SORCS1: variants seen among roughly 807,000 people sequenced by gnomAD.
SORCS1 encodes the protein sortilin related VPS10 domain containing receptor 1, also known as VPS10 domain-containing receptor SorCS1.
Under a neutral mutation model 146.1 loss-of-function variants are expected in SORCS1, and 60 were observed. That is an observed-to-expected ratio of 0.41 (90% CI 0.33 to 0.51). The LOEUF (loss-of-function observed/expected upper bound fraction) is 0.51, where lower values mean the gene tolerates loss of function less well. SORCS1 is among the 20% of genes least tolerant of loss of function. SORCS1 has a pLI of 0.21. For missense variants in SORCS1, 1,352 were observed against 1,487.6 expected (o/e 0.91, Z 1.50); for synonymous variants, 637 against 584.0 (o/e 1.09, Z -1.31).
intron 5 of SORCS1, among the ~76,000 whole-genome samples, chr10:106,735,762 T>C (rs540199112): frequency 1.9e-4 from 29 of 152,336 alleles, no homozygotes; most frequent in African/African-American, 6.5e-4. Flanking sequence ...GCTCAGGTTT[T>C]GTATTTGATC....
intron 17 of SORCS1, among the ~76,000 whole-genome samples, chr10:106,656,740 T>A (rs924757934): frequency 1.3e-5 from 2 of 151,996 alleles, no homozygotes; most frequent in African/African-American, 2.4e-5. Context: ...TGACAGTAGC[T>A]TAGTAGCTTA....
At chr10:106,689,083 T>C (rs1853101072) in intron 9 of SORCS1, among the ~76,000 whole-genome samples, 1 of 152,226 alleles carries the variant, frequency 6.6e-6, no homozygotes, top group African/African-American at 2.4e-5. Flanking sequence ...AATCATCAAA[T>C]ACTCCCTACT....
intron 1 of SORCS1, among the ~76,000 whole-genome samples, chr10:106,983,267 A>T (rs1451723441): frequency 1.3e-5 from 2 of 148,220 alleles, no homozygotes; most frequent in African/African-American, 4.9e-5. Context: ...TCTATATATA[A>T]ATATACATAT....
At chr10:107,142,895 C>A (rs1008727911) in intron 1 of SORCS1, among the ~76,000 whole-genome samples, 1 of 152,210 alleles carries the variant, frequency 6.6e-6, no homozygotes, top group East Asian at 1.9e-4. Flanking sequence ...GGGGCCAAGA[C>A]CAACGTGTCC....
intron 1 of SORCS1, among the ~76,000 whole-genome samples, chr10:107,075,077 C>T (rs573060437): frequency 7.5e-4 from 114 of 152,148 alleles, no homozygotes; most frequent in Middle Eastern, 3.4e-3. Flanking sequence ...CAATAAGATA[C>T]ATTTGCATGG....
intron 2 of SORCS1, among the ~76,000 whole-genome samples, chr10:106,895,601 A>C (rs552659934): frequency 2.6e-5 from 4 of 152,082 alleles, no homozygotes; most frequent in Non-Finnish European, 5.9e-5. Context: ...ACACAGTAAG[A>C]CTCTGTCTCA....
At chr10:106,700,051 T>C (rs1192670815) in intron 8 of SORCS1, among the ~76,000 whole-genome samples, 1 of 152,176 alleles carries the variant, frequency 6.6e-6, no homozygotes, top group Admixed American at 6.5e-5. Context: ...ACCCTCATGT[T>C]AGTGTGTTCA....
chr10:106,724,470 T>G (rs938197863), intron 6 of SORCS1, among the ~76,000 whole-genome samples: 14 of 150,156 alleles, frequency 9.3e-5, no homozygotes, highest in Non-Finnish European at 1.9e-4. Flanking sequence ...ACCATTGCAC[T>G]CCAGCCTAGG....
chr10:106,780,266 A>G (rs1860789193), intron 3 of SORCS1, among the ~76,000 whole-genome samples: 1 of 152,204 alleles, frequency 6.6e-6, no homozygotes, highest in Non-Finnish European at 1.5e-5. Flanking sequence ...AAAACAATAG[A>G]TTACATTTCT....
At chr10:107,167,172 T>A (rs1970074364), upstream of SORCS1, among the ~76,000 whole-genome samples, 1 of 152,238 alleles carries the variant, frequency 6.6e-6, no homozygotes, top group African/African-American at 2.4e-5. Flanking sequence ...TGTAGATAGA[T>A]GGATTCATTT....
intron 2 of SORCS1, among the ~76,000 whole-genome samples, chr10:106,926,824 T>C (rs1953046611): frequency 6.9e-5 from 1 of 14,534 alleles, no homozygotes; most frequent in African/African-American, 1.3e-4. Context: ...CTAAGGAATA[T>C]ATATACACAC....
intron 3 of SORCS1, among the ~76,000 whole-genome samples, chr10:106,810,943 CT>C (rs879573301): frequency 0.03 from 4,191 of 141,208 alleles, 61 homozygotes; most frequent in East Asian, 0.06. Context: ...GGTATAATTT[CT>C]TTTTTTTTTT....
intron 1 of SORCS1, among the ~76,000 whole-genome samples, chr10:107,105,525 C>T (rs1328811422): frequency 1.3e-5 from 2 of 152,166 alleles, no homozygotes; most frequent in African/African-American, 4.8e-5. Context: ...TGGCTGAAGG[C>T]CCGAGTGCCC....
chr10:106,699,896 C>T (rs1854007586), intron 8 of SORCS1, among the ~76,000 whole-genome samples: 1 of 152,116 alleles, frequency 6.6e-6, no homozygotes, highest in Non-Finnish European at 1.5e-5. Context: ...CCTGGTGAAT[C>T]AAAATGTGCA....
chr10:106,706,506 G>A (rs1854539812), intron 8 of SORCS1, 39 bp downstream of exon 8: 2 of 1,587,336 alleles, frequency 1.3e-6, no homozygotes, highest in Non-Finnish European at 1.7e-6. Flanking sequence ...CTGTGAATGA[G>A]AGTCAAGAGT....
intron 3 of SORCS1, among the ~76,000 whole-genome samples, chr10:106,815,513 G>A (rs1247589720): frequency 1.3e-5 from 2 of 152,184 alleles, no homozygotes; most frequent in African/African-American, 4.8e-5. Context: ...AATGGTTTGG[G>A]TTTGATAATC....
intron 5 of SORCS1, among the ~76,000 whole-genome samples, chr10:106,741,734 T>C (rs1857379744): frequency 1.3e-5 from 2 of 152,190 alleles, no homozygotes; most frequent in Non-Finnish European, 2.9e-5. Context: ...AGGGGTCCCA[T>C]GTCCCAGAGA....
intron 2 of SORCS1, among the ~76,000 whole-genome samples, chr10:106,921,056 G>A (rs1432369761): frequency 6.6e-6 from 1 of 152,146 alleles, no homozygotes; most frequent in East Asian, 1.9e-4. Flanking sequence ...TCTTGCAGGT[G>A]GTCAGCTCTT....
rs1378767215 is a variant in SORCS1, at chr10:106,906,329, G to A, written c.626+50184C>T. Among the ~76,000 whole-genome samples the A allele has an allele frequency of 3.9e-5, 6 of 152,282 alleles. No homozygotes were observed. The South Asian group carries it at 1.0e-3, about 26-fold the overall frequency. ...AGGATTTGCCATGTTGGCCAGGCTG[G>A]TCTTGAACTCCTGACCTCAGGTGAT... On this transcript the variant is annotated intron_variant, in intron 2 of 25. Transcript: ENST00000263054.
Sources: allele counts gnomAD v4.1 joint callset (sites outside exome capture counted in the v4.1 genomes callset), GRCh38; gene constraint gnomAD v4.1.1; transcripts MANE v1.5; gene names NCBI Gene and HGNC (gene_info 2026-07-23, HGNC 2026-07-21).